Variants in CHD9 observed in about 807,000 individuals in gnomAD.
CHD9 encodes ATP-dependent chromatin remodeler CHD9.
A neutral mutation model predicts 316.1 loss-of-function variants in CHD9; 77 were observed. That is an observed-to-expected ratio of 0.24 (90% CI 0.20 to 0.29). The LOEUF (loss-of-function observed/expected upper bound fraction) is 0.29. Among genes scored for constraint, CHD9 ranks in the 10% least tolerant of loss-of-function variants. CHD9 has a pLI of 1.00. For synonymous variants in CHD9, 1,129 were observed against 1,158.3 expected, an observed-to-expected ratio of 0.97 and a Z score of 0.51; for missense variants, 2,763 against 3,438.1, an observed-to-expected ratio of 0.80 and a Z score of 4.91.
At chr16:53,144,672 G>A (rs1397002284) in intron 1 of CHD9, among the ~76,000 whole-genome samples, 2 of 151,862 alleles carry the variant, frequency 1.3e-5, no homozygotes, top group Non-Finnish European at 2.9e-5. Context: ...GGGACTACAG[G>A]CGCCCACTAT....
Position 53,235,235 on chromosome 16 carries a change from T to C in CHD9, c.2562T>C (p.Tyr854=). 1 of 1,550,924 alleles carries C rather than the reference T, an allele frequency of 6.4e-7. No homozygotes were observed. The highest frequency in any genetic ancestry group is 1.2e-5 in the South Asian group (1 of 84,306). The part of the protein sequence containing the change: ...IWKKIDQSRD[Y]KNGNQLREYQ... ...AGAAAATAGATCAATCCAGGGACTA[T>C]AAAAATGGCAATCAACTCAGGGAAT... Residue 854 remains tyrosine (Y), a synonymous_variant, in exon 11 of 39, where the codon TAT becomes TAC. Transcript: ENST00000447540.
At chr16:53,217,292 G>A (rs542002639) in intron 3 of CHD9, among the ~76,000 whole-genome samples, 84 of 152,092 alleles carry the variant, frequency 5.5e-4, no homozygotes, top group African/African-American at 1.3e-3. Context: ...TTGCTTTGTC[G>A]CCCAGGCTGG....
At chr16:53,169,883 A>G (rs2042554540) in intron 2 of CHD9, among the ~76,000 whole-genome samples, 2 of 152,180 alleles carry the variant, frequency 1.3e-5, no homozygotes, top group African/African-American at 2.4e-5. Flanking sequence ...AGGGTCAGGC[A>G]TTACATTTAG....
intron 1 of CHD9, among the ~76,000 whole-genome samples, chr16:53,107,475 AAAATAAAATAAAAT>A (rs1372103874): frequency 9.1e-5 from 13 of 142,306 alleles, no homozygotes; most frequent in African/African-American, 3.0e-4. Context: ...AAAATAAAAT[AAAATAAAATAAAAT>A]AAATAAAATA....
chr16:53,238,091 C>T (rs1448922303), intron 11 of CHD9, among the ~76,000 whole-genome samples: 1 of 151,968 alleles, frequency 6.6e-6, no homozygotes, highest in Non-Finnish European at 1.5e-5. Context: ...GTTGGCCTTG[C>T]CCTTCCCTTT....
chr16:53,206,205 G>A (rs185016475), intron 2 of CHD9, among the ~76,000 whole-genome samples: 2 of 151,850 alleles, frequency 1.3e-5, no homozygotes, highest in East Asian at 1.9e-4. Context: ...CGCCCACCTC[G>A]GCCTCCCAAA....
At chr16:53,295,179 T>C (rs939100080) in intron 29 of CHD9, among the ~76,000 whole-genome samples, 1 of 152,172 alleles carries the variant, frequency 6.6e-6, no homozygotes, top group African/African-American at 2.4e-5. Flanking sequence ...CAAGCTGGAG[T>C]ACAGTGGCAC....
chr16:53,192,145 G>A (rs993418620), intron 2 of CHD9, among the ~76,000 whole-genome samples: 5 of 152,046 alleles, frequency 3.3e-5, no homozygotes, highest in South Asian at 2.1e-4. Flanking sequence ...GCACACATGC[G>A]TGTGTTTATT....
intron 27 of CHD9, among the ~76,000 whole-genome samples, chr16:53,290,474 C>A (rs528494002): frequency 2.6e-4 from 34 of 130,920 alleles, no homozygotes. Flanking sequence ...TAACTATTTT[C>A]TTAGAGCAGG....
chr16:53,262,450 T>C (rs1291894578), intron 19 of CHD9, among the ~76,000 whole-genome samples: 1 of 152,198 alleles, frequency 6.6e-6, no homozygotes, highest in Non-Finnish European at 1.5e-5. Context: ...GCAGTGTTTC[T>C]GTGGTAAGGT....
At chr16:53,296,480 G>A (rs746140492) in intron 29 of CHD9, among the ~76,000 whole-genome samples, 31 of 123,056 alleles carry the variant, frequency 2.5e-4, no homozygotes, top group Non-Finnish European at 4.1e-4. Context: ...TCGCTCTGTC[G>A]CCCAGGCTAG....
intron 1 of CHD9, among the ~76,000 whole-genome samples, chr16:53,142,998 G>A (rs1298320131): frequency 6.6e-6 from 1 of 152,138 alleles, no homozygotes; most frequent in Non-Finnish European, 1.5e-5. Flanking sequence ...AGCAAGGCAT[G>A]ACTGAACTTG....
chr16:53,060,453 T>A (rs565102864), intron 1 of CHD9, among the ~76,000 whole-genome samples: 15 of 151,970 alleles, frequency 9.9e-5, no homozygotes, highest in East Asian at 7.8e-4. Flanking sequence ...ATTTCTATTT[T>A]AAAAATTTTA....
chr16:53,197,432 T>C (rs1468397825), intron 2 of CHD9, among the ~76,000 whole-genome samples: 2 of 152,152 alleles, frequency 1.3e-5, no homozygotes, highest in Admixed American at 6.5e-5. Flanking sequence ...TTCAGTGAGG[T>C]TGCAGTAGAA....
At chr16:53,068,661 A>G (rs1440560652) in intron 1 of CHD9, among the ~76,000 whole-genome samples, 1 of 152,010 alleles carries the variant, frequency 6.6e-6, no homozygotes, top group Non-Finnish European at 1.5e-5. Context: ...CTTTTAACCC[A>G]TTGTCAAAGC....
chr16:53,135,112 A>G (rs995937843), intron 1 of CHD9, among the ~76,000 whole-genome samples: 5 of 152,170 alleles, frequency 3.3e-5, no homozygotes, highest in African/African-American at 1.2e-4. Context: ...GTTTCTTGGA[A>G]GAGAGAAAAA....
chr16:53,128,568 G>C lies in CHD9; in HGVS notation c.-164-27358G>C, dbSNP rs553139235. Among the ~76,000 whole-genome samples, 185 of 152,282 alleles carry C rather than the reference G, an allele frequency of 1.2e-3. 2 individuals carry two copies. Among genetic ancestry groups the C allele is most frequent in the Non-Finnish European group, 2.1e-3 (141 of 68,028 alleles). Reference sequence around the variant, plus strand: ...TTGGCTTTAGACAGCCCATTGCCTGGTGGAAATGGTAGGCCAGTGTTGCTA... The same window carrying C: ...TTGGCTTTAGACAGCCCATTGCCTGCTGGAAATGGTAGGCCAGTGTTGCTA... On this transcript the variant is annotated intron_variant, in intron 1 of 38. Transcript: ENST00000447540.
chr16:53,219,852 G>T (rs1162018158), intron 3 of CHD9, among the ~76,000 whole-genome samples: 1 of 152,148 alleles, frequency 6.6e-6, no homozygotes, highest in Non-Finnish European at 1.5e-5. Context: ...TCAAGTGAGA[G>T]AATGCATGTA....
chr16:53,274,429 C>A, intron 24 of CHD9, 127 bp downstream of exon 24: 1 of 492,992 alleles, frequency 2.0e-6, no homozygotes, highest in Non-Finnish European at 3.6e-6. Context: ...CACACCACCA[C>A]ACCTGGCTTA....
Sources: allele counts gnomAD v4.1 joint callset (sites outside exome capture counted in the v4.1 genomes callset), GRCh38; gene constraint gnomAD v4.1.1; transcripts MANE v1.5; gene names NCBI Gene and HGNC (gene_info 2026-07-23, HGNC 2026-07-21).